Variants in SMARCAD1 observed in about 807,000 individuals in gnomAD.
SMARCAD1 encodes the protein SWI/SNF-related matrix-associated actin-dependent regulator of chromatin subfamily A containing DEAD/H box 1.
SMARCAD1 carries 25 observed loss-of-function variants against 127.1 expected under a neutral mutation model. The observed-to-expected ratio is 0.20, with a 90% confidence interval of 0.14 to 0.27. The LOEUF (loss-of-function observed/expected upper bound fraction) is 0.27. Ranked by LOEUF, SMARCAD1 falls within the 10% of genes least tolerant of loss-of-function variation. SMARCAD1 has a pLI of 1.00. For synonymous variants in SMARCAD1, 400 were observed against 396.9 expected, an observed-to-expected ratio of 1.01 and a Z score of -0.09; for missense variants, 807 against 1,206.0, an observed-to-expected ratio of 0.67 and a Z score of 4.90.
Position 94,264,780 on chromosome 4 carries a change from G to C in SMARCAD1, c.1355G>C (p.Arg452Thr). 1 of 1,612,736 alleles carries C rather than the reference G, an allele frequency of 6.2e-7. No individual in the cohort carries two copies. ...CACTGTAAAACACTGATCCAAGAAA[G>C]AGATGTAGTTATAAGGCTTATGAAC... ...IWHCKTLIQE[R>T]DVVIRLMNKC... The change falls in exon 10 of 24, where the codon AGA becomes ACA. Residue 452 changes from arginine to threonine, a missense_variant. Physicochemically the swap from Arg to Thr is moderately conservative, Grantham distance 71. Coordinates refer to ENST00000354268, the MANE Select transcript of SMARCAD1 (RefSeq NM_020159.5).
intron 23 of SMARCAD1, among the ~76,000 whole-genome samples, chr4:94,287,070 T>G (rs13112528): frequency 0.38 from 57,604 of 152,036 alleles, 11,915 homozygotes; most frequent in East Asian, 0.71. Flanking sequence ...TTCACCGTAT[T>G]AGCCAGGATG....
At chr4:94,271,807 A>G (rs1234402961) in intron 11 of SMARCAD1, among the ~76,000 whole-genome samples, 1 of 152,198 alleles carries the variant, frequency 6.6e-6, no homozygotes, top group Non-Finnish European at 1.5e-5. Flanking sequence ...CAGTTGACCT[A>G]ATCTCTCAAA....
chr4:94,239,225 A>G (rs1194215850), intron 5 of SMARCAD1, among the ~76,000 whole-genome samples: 3 of 152,230 alleles, frequency 2.0e-5, no homozygotes, highest in African/African-American at 7.2e-5. Context: ...GTTAATCTTC[A>G]GTATACTATG....
chr4:94,241,156 C>T lies in SMARCAD1; in HGVS notation c.705+150C>T, dbSNP rs998005517. The T allele has an allele frequency of 6.3e-6, 4 of 638,092 alleles. No individual in the cohort carries two copies. In the Admixed American group the frequency reaches 1.0e-4, roughly 16 times the overall value. 39.5% of individuals were successfully genotyped at this position (638,092 alleles called of 1,614,324 possible). On this transcript the variant is annotated intron_variant, in intron 6 of 23. Transcript: ENST00000354268. The stretch of plus-strand genomic sequence containing the variant: ...ATTTACGTCTACATTTAATTTGTGA[C>T]TGTTTTTGCTTTTTAATTTATCCAG...
In SMARCAD1 at chr4:94,283,149, G is replaced by A. The variant is rs771184889; in HGVS notation, c.2755G>A (p.Asp919Asn). 1.9e-5 allele frequency: 30 copies of A among 1,613,152 alleles called. No individual in the cohort carries two copies. The highest frequency in any genetic ancestry group is 5.4e-5 in the African/African-American group (4 of 74,758). Residue 919 changes from aspartate (D) to asparagine (N), a missense_variant, in exon 22 of 24, where the codon GAT (aspartate) becomes AAT (asparagine). Coordinates refer to ENST00000354268, the MANE Select transcript of SMARCAD1 (RefSeq NM_020159.5). Reference sequence around the variant, plus strand: ...TCATCTAATTGATGAGTTTAATACCGATATGGATATCTTTGTGTTTCTGCT... The same window carrying A: ...TCATCTAATTGATGAGTTTAATACCAATATGGATATCTTTGTGTTTCTGCT... ...RIHLIDEFNT[D>N]MDIFVFLLST...
chr4:94,241,934 T>C (rs1289224377), intron 6 of SMARCAD1, among the ~76,000 whole-genome samples: 1 of 152,190 alleles, frequency 6.6e-6, no homozygotes, highest in Non-Finnish European at 1.5e-5. Context: ...CTTGTATACC[T>C]GATCTTTAAA....
chr4:94,246,452 TGAATC>T (rs1176220848), intron 6 of SMARCAD1, among the ~76,000 whole-genome samples: 1 of 152,134 alleles, frequency 6.6e-6, no homozygotes, highest in Non-Finnish European at 1.5e-5. Context: ...TTTTATAAAA[TGAATC>T]AAGCAGTACA....
In SMARCAD1 at chr4:94,234,350, C is replaced by T. The variant is rs190473077; in HGVS notation, c.537+228C>T. Among the ~76,000 whole-genome samples the T allele has an allele frequency of 1.5e-4, 23 of 152,200 alleles. No homozygotes were observed. In the East Asian group the frequency reaches 3.5e-3, roughly 23 times the overall value. On this transcript the variant is annotated intron_variant, in intron 4 of 23. Coordinates refer to ENST00000354268, the MANE Select transcript of SMARCAD1 (RefSeq NM_020159.5). ...AGTGCAGTAATTAAAGCCTTAATAG[C>T]GAACATAGGTTGTGAGTTTTTTTGT...
chr4:94,226,803 A>G (rs1429004813), intron 3 of SMARCAD1, among the ~76,000 whole-genome samples: 1 of 152,096 alleles, frequency 6.6e-6, no homozygotes, highest in African/African-American at 2.4e-5. Context: ...TAGTGTGTCA[A>G]AAGATAAGTG....
At chr4:94,254,456 A>T (rs889452485) in intron 9 of SMARCAD1, among the ~76,000 whole-genome samples, 3 of 152,170 alleles carry the variant, frequency 2.0e-5, no homozygotes, top group South Asian at 4.1e-4. Context: ...ATCTTATAGT[A>T]AAAGTAAATT....
chr4:94,264,667 A>G (rs773511950), intron 9 of SMARCAD1, 40 bp from the exon 10 acceptor site: 7 of 1,547,786 alleles, frequency 4.5e-6, no homozygotes, highest in South Asian at 1.2e-5. Context: ...TCTCTTTCCT[A>G]GATCTGAACT....
intron 10 of SMARCAD1, among the ~76,000 whole-genome samples, chr4:94,270,093 A>C (rs1019256489): frequency 2.0e-5 from 3 of 151,534 alleles, no homozygotes; most frequent in Admixed American, 6.6e-5. Context: ...ACTGATGTTC[A>C]CTGTCTTTTA....
intron 9 of SMARCAD1, among the ~76,000 whole-genome samples, chr4:94,260,504 CA>C (rs1274473945): frequency 2.0e-5 from 3 of 151,904 alleles, no homozygotes; most frequent in Non-Finnish European, 4.4e-5. Context: ...CCACCACACC[CA>C]GTTAATTTTT....
chr4:94,219,130 A>C (rs115133634), intron 2 of SMARCAD1, among the ~76,000 whole-genome samples: 1,602 of 152,238 alleles, frequency 0.011, 25 homozygotes, highest in African/African-American at 0.036. Context: ...GTAATCTTCT[A>C]AGAGGGCAAA....
chr4:94,221,418 C>T (rs180904678), intron 2 of SMARCAD1, among the ~76,000 whole-genome samples: 93 of 152,220 alleles, frequency 6.1e-4, no homozygotes, highest in Non-Finnish European at 1.2e-3. Flanking sequence ...GAAATTACCA[C>T]CTGTCAAGTT....
rs932765231 is a variant in SMARCAD1, at chr4:94,252,991, A to G, written c.1265A>G (p.Asn422Ser). 2 of 1,612,928 alleles carry G rather than the reference A, an allele frequency of 1.2e-6. No individual in the cohort carries two copies. Among genetic ancestry groups the G allele is most frequent in the Non-Finnish European group, 1.7e-6 (2 of 1,180,004 alleles). ...AAGATAACAGAACTCCGGCCCTTTA[A>G]TAGTTGGGAGGCTCTGGTAAGGCTT... ...AQKITELRPFNSWEALFTKMS... is the reference protein window; with the variant it reads ...AQKITELRPFSSWEALFTKMS... The change falls in exon 9 of 24, where the codon AAT becomes AGT. Residue 422 changes from asparagine to serine, a missense_variant. Asn to Ser is a conservative substitution (Grantham distance 46, BLOSUM62 1). Transcript: ENST00000354268.
At chr4:94,272,926 C>T (rs1752750901) in intron 11 of SMARCAD1, among the ~76,000 whole-genome samples, 1 of 152,116 alleles carries the variant, frequency 6.6e-6, no homozygotes, top group South Asian at 2.1e-4. Flanking sequence ...CCCACCTCAG[C>T]CCTCCCGAGT....
rs1741470224 is a variant in SMARCAD1 at position 94,207,988 on chromosome 4, G to A, written c.-132G>A. ...GGTCCTTTCTCGAGGCAGGGGGCAC[G>A]GTAGCACAGGGAGCTTCTCTTTGTG... On this transcript the variant is annotated 5_prime_UTR_variant, in exon 1 of 24. Transcript: ENST00000354268. 2.6e-6 allele frequency: 1 copy of A among 384,772 alleles called. No individual in the cohort carries two copies. Among genetic ancestry groups the A allele is most frequent in the Non-Finnish European group, 5.1e-6 (1 of 195,884 alleles). The allele number at this position is 384,772 out of a possible 1,614,324, so 23.8% of individuals were successfully genotyped here. A position where few individuals can be genotyped will look rare whatever the true frequency, so the allele number is the denominator to read the frequency against.
intron 9 of SMARCAD1, among the ~76,000 whole-genome samples, chr4:94,258,287 TG>T (rs1268947800): frequency 6.6e-6 from 1 of 152,026 alleles, no homozygotes; most frequent in East Asian, 1.9e-4. Flanking sequence ...CCTGAGTAGT[TG>T]GGATTACAGG....
Sources: allele counts gnomAD v4.1 joint callset (sites outside exome capture counted in the v4.1 genomes callset), GRCh38; gene constraint gnomAD v4.1.1; transcripts MANE v1.5; gene names NCBI Gene and HGNC (gene_info 2026-07-23, HGNC 2026-07-21).